Variants in CHST8 observed in about 807,000 individuals in gnomAD.
The protein encoded by CHST8 is carbohydrate sulfotransferase 8, also known as GALNAC-4-ST1.
CHST8 carries 10 observed loss-of-function variants against 15.0 expected under a neutral mutation model. That is an observed-to-expected ratio of 0.67 (90% CI 0.41 to 1.13). The LOEUF is 1.13. Among genes scored for constraint, CHST8 ranks in the 50% most tolerant of loss-of-function variants. The pLI, the probability that CHST8 is intolerant of heterozygous loss-of-function variation, is 0.00. For synonymous variants in CHST8, 259 were observed against 256.6 expected, an observed-to-expected ratio of 1.01 and a Z score of -0.09; for missense variants, 634 against 608.2, an observed-to-expected ratio of 1.04 and a Z score of -0.45.
At chr19:33,676,976 A>G (rs569391114) in intron 2 of CHST8, among the ~76,000 whole-genome samples, 11 of 152,350 alleles carry the variant, frequency 7.2e-5, no homozygotes, top group African/African-American at 2.6e-4. Flanking sequence ...CATTTGAAAC[A>G]TAATTTTTAT....
At chr19:33,700,991 G>A (rs568578623) in intron 3 of CHST8, among the ~76,000 whole-genome samples, 2 of 152,286 alleles carry the variant, frequency 1.3e-5, no homozygotes, top group African/African-American at 4.8e-5. Flanking sequence ...TTCAGGTCTG[G>A]ATACCCCGAG....
intron 1 of CHST8, among the ~76,000 whole-genome samples, chr19:33,640,456 C>T (rs2145446504): frequency 6.6e-6 from 1 of 152,286 alleles, no homozygotes; most frequent in African/African-American, 2.4e-5. Context: ...CTGGAGCTGC[C>T]CTGGTCTCCC....
intron 3 of CHST8, among the ~76,000 whole-genome samples, chr19:33,743,392 C>A (rs568440749): frequency 2.0e-5 from 3 of 151,518 alleles, no homozygotes; most frequent in Admixed American, 6.6e-5. Flanking sequence ...CTCCGCCCCC[C>A]GGGGGTTCAT....
At chr19:33,692,301 G>A (rs2145262077) in intron 3 of CHST8, among the ~76,000 whole-genome samples, 1 of 152,330 alleles carries the variant, frequency 6.6e-6, no homozygotes. Flanking sequence ...CAGGCCCTGA[G>A]GCCAGAGCTT....
At chr19:33,728,582 G>A (rs1188856959) in intron 3 of CHST8, among the ~76,000 whole-genome samples, 1 of 152,232 alleles carries the variant, frequency 6.6e-6, no homozygotes, top group Admixed American at 6.5e-5. Context: ...AACCCCGCAT[G>A]GCCTCTGATA....
At chr19:33,715,592 G>A (rs762380087) in intron 3 of CHST8, among the ~76,000 whole-genome samples, 2 of 152,180 alleles carry the variant, frequency 1.3e-5, no homozygotes, top group African/African-American at 2.4e-5. Flanking sequence ...TGTCTGCTCA[G>A]GCAGGAGGTG....
intron 1 of CHST8, among the ~76,000 whole-genome samples, chr19:33,667,545 C>G (rs1415285241): frequency 6.6e-6 from 1 of 152,128 alleles, no homozygotes; most frequent in African/African-American, 2.4e-5. Flanking sequence ...AAGGAACAAA[C>G]GGTGCCAAAT....
chr19:33,756,197 C>T (rs117551416), intron 3 of CHST8, among the ~76,000 whole-genome samples: 6 of 152,294 alleles, frequency 3.9e-5, no homozygotes, highest in Non-Finnish European at 7.3e-5. Context: ...ATTCCAGGTG[C>T]GCATGAAGAT....
At chr19:33,664,534 C>T (rs913459820) in intron 1 of CHST8, among the ~76,000 whole-genome samples, 1 of 146,410 alleles carries the variant, frequency 6.8e-6, no homozygotes, top group East Asian at 2.0e-4. Flanking sequence ...TGAGTGAGAA[C>T]ATGCGGTGTT....
chr19:33,741,133 C>T (rs1216403071), intron 3 of CHST8, among the ~76,000 whole-genome samples: 1 of 152,174 alleles, frequency 6.6e-6, no homozygotes, highest in East Asian at 1.9e-4. Flanking sequence ...GCTTAGACCC[C>T]AGCCAGAATC....
At chr19:33,746,968 G>C (rs1180909714) in intron 3 of CHST8, among the ~76,000 whole-genome samples, 1 of 152,140 alleles carries the variant, frequency 6.6e-6, no homozygotes, top group Non-Finnish European at 1.5e-5. Context: ...GACCTGCAGA[G>C]CAATCGGTTT....
chr19:33,677,336 C>T (rs1175834678), intron 2 of CHST8, among the ~76,000 whole-genome samples: 1 of 152,152 alleles, frequency 6.6e-6, no homozygotes, highest in African/African-American at 2.4e-5. Flanking sequence ...CTGCCTGTGT[C>T]CTTGAGGTTG....
intron 3 of CHST8, among the ~76,000 whole-genome samples, chr19:33,717,861 G>A (rs1973690499): frequency 6.6e-6 from 1 of 152,150 alleles, no homozygotes; most frequent in Admixed American, 6.5e-5. Flanking sequence ...TATTATTCCT[G>A]TCTCATTTTA....
intron 1 of CHST8, among the ~76,000 whole-genome samples, chr19:33,664,402 A>G (rs185148155): frequency 0.042 from 6,182 of 148,172 alleles, 448 homozygotes; most frequent in African/African-American, 0.15. Flanking sequence ...GTCATCTAGC[A>G]TTAGGTATAT....
chr19:33,761,818 A>G (rs1021930112), intron 3 of CHST8, among the ~76,000 whole-genome samples: 35 of 152,202 alleles, frequency 2.3e-4, no homozygotes, highest in African/African-American at 8.4e-4. Context: ...GGGCAACAGA[A>G]TGAGACACTG....
intron 3 of CHST8, 63 bp from the exon 4 acceptor site, chr19:33,771,350 C>G: frequency 6.6e-7 from 1 of 1,523,514 alleles, no homozygotes; most frequent in East Asian, 2.2e-5. Flanking sequence ...AGCCCATAAG[C>G]AGTTCCCTGG....
At chr19:33,625,442 G>A (rs1972039453) in intron 1 of CHST8, among the ~76,000 whole-genome samples, 1 of 152,194 alleles carries the variant, frequency 6.6e-6, no homozygotes, top group Non-Finnish European at 1.5e-5. Context: ...TGGAATGAGT[G>A]GCCAGCCTTT....
Position 33,757,587 on chromosome 19 carries a change from A to AGAAG in CHST8, c.131-13823_131-13822insGGAA, listed in dbSNP as rs1491316229. ...AAGAAAGAAAGAAAGAAAGAAAGAA[A>AGAAG]GAAAGAAAGAAAGAAAGAGCCGGCC... On this transcript the variant is annotated intron_variant, in intron 3 of 4. Coordinates refer to ENST00000650847, the MANE Select transcript of CHST8 (RefSeq NM_001127895.2). Among the ~76,000 whole-genome samples, 69 of 144,312 alleles carry AGAAG rather than the reference A, an allele frequency of 4.8e-4. 9 individuals are homozygous for AGAAG. The highest frequency in any genetic ancestry group is 8.1e-4 in the Non-Finnish European group (53 of 65,098). 94.7% of individuals were successfully genotyped at this position (144,312 alleles called of 152,430 possible). A position where few individuals can be genotyped will look rare whatever the true frequency, so the allele number is the denominator to read the frequency against.
chr19:33,756,705 C>G (rs1974554268), intron 3 of CHST8, among the ~76,000 whole-genome samples: 1 of 152,202 alleles, frequency 6.6e-6, no homozygotes, highest in South Asian at 2.1e-4. Flanking sequence ...TCAGATGTCC[C>G]CACTCCTCAC....
Sources: gnomAD v4.1 joint callset for allele counts (sites outside exome capture counted in the v4.1 genomes callset) on GRCh38, gnomAD v4.1.1 for gene constraint, MANE v1.5 for transcripts, NCBI Gene and HGNC (gene_info 2026-07-23, HGNC 2026-07-21) for gene names.